CNPY1: variants seen among roughly 807,000 people sequenced by gnomAD.
CNPY1 encodes the protein protein canopy homolog 1.
CNPY1 carries 14 observed loss-of-function variants against 14.4 expected under a neutral mutation model. That is an observed-to-expected ratio of 0.97 (90% CI 0.64 to 1.52). CNPY1 has a LOEUF of 1.52. Among genes scored for constraint, CNPY1 ranks in the 40% most tolerant of loss-of-function variants. The probability of loss-of-function intolerance (pLI) is 0.00; values close to 1 mark genes in which losing one functional copy is unlikely to be tolerated. For missense variants in CNPY1, 129 were observed against 131.5 expected, an observed-to-expected ratio of 0.98 and a Z score of 0.09; for synonymous variants, 43 against 46.5, an observed-to-expected ratio of 0.92 and a Z score of 0.31.
intron 2 of CNPY1, among the ~76,000 whole-genome samples, chr7:155,542,642 G>A (rs1477468): frequency 0.41 from 62,107 of 152,128 alleles, 14,073 homozygotes; most frequent in Middle Eastern, 0.59. Context: ...TGGTGCAGCC[G>A]GACCCCAAGA....
chr7:155,508,236 A>G (rs1328860829), intron 3 of CNPY1, among the ~76,000 whole-genome samples: 1 of 152,270 alleles, frequency 6.6e-6, no homozygotes, highest in Non-Finnish European at 1.5e-5. Flanking sequence ...CTAGCAAGCC[A>G]GAGACTAGCA....
At chr7:155,521,598 C>T (rs1796726379) in intron 2 of CNPY1, among the ~76,000 whole-genome samples, 1 of 152,176 alleles carries the variant, frequency 6.6e-6, no homozygotes. Flanking sequence ...GGGCCGCCGC[C>T]TTGTTTATGT....
At chr7:155,537,420 TTTTC>T (rs1313129508) in intron 2 of CNPY1, among the ~76,000 whole-genome samples, 10 of 149,680 alleles carry the variant, frequency 6.7e-5, no homozygotes, top group Admixed American at 1.3e-4. Context: ...ATTTTTTTTC[TTTTC>T]TTTTTTTTTT....
At chr7:155,543,095 G>A (rs1797106198) in intron 2 of CNPY1, among the ~76,000 whole-genome samples, 1 of 152,122 alleles carries the variant, frequency 6.6e-6, no homozygotes, top group Admixed American at 6.5e-5. Flanking sequence ...TGTGGCATCA[G>A]CACCCTCAGC....
intron 2 of CNPY1, among the ~76,000 whole-genome samples, chr7:155,543,871 A>T (rs2116762211): frequency 6.6e-6 from 1 of 152,340 alleles, no homozygotes; most frequent in South Asian, 2.1e-4. Flanking sequence ...CGACTCTAAG[A>T]TTGCCTTAGG....
chr7:155,521,230 G>T (rs536870533), intron 2 of CNPY1, among the ~76,000 whole-genome samples: 13 of 152,192 alleles, frequency 8.5e-5, no homozygotes, highest in Non-Finnish European at 1.6e-4. Context: ...ATGGGGCTCT[G>T]TGATTGTAGA....
chr7:155,503,240 A>G (rs1796179382), intron 4 of CNPY1, 135 bp from the exon 5 acceptor site: 2 of 750,336 alleles, frequency 2.7e-6, no homozygotes, highest in African/African-American at 3.6e-5. Flanking sequence ...TTTTCCCAAA[A>G]TGTTATTATA....
chr7:155,539,656 C>T (rs1049741634), intron 2 of CNPY1, among the ~76,000 whole-genome samples: 1 of 152,142 alleles, frequency 6.6e-6, no homozygotes, highest in African/African-American at 2.4e-5. Flanking sequence ...CCTGTGAAGG[C>T]TTGCTGAAAT....
chr7:155,534,443 G>A (rs1563096131), intron 2 of CNPY1, among the ~76,000 whole-genome samples: 1 of 152,192 alleles, frequency 6.6e-6, no homozygotes, highest in East Asian at 1.9e-4. Context: ...ACTTGCATGT[G>A]CACACACAGA....
intron 2 of CNPY1, 58 bp from the exon 3 acceptor site, chr7:155,509,155 CT>C (rs1308134549): frequency 1.9e-6 from 2 of 1,033,784 alleles, no homozygotes; most frequent in African/African-American, 3.2e-5. Context: ...CTTCAAAGAC[CT>C]TCCGGCGAGT....
At chr7:155,537,447 G>T (rs1247499425) in intron 2 of CNPY1, among the ~76,000 whole-genome samples, 1 of 149,844 alleles carries the variant, frequency 6.7e-6, no homozygotes, top group East Asian at 1.9e-4. Context: ...TTTTGAGACG[G>T]AGTTTCGCTT....
chr7:155,525,651 T>C (rs1796806214), intron 2 of CNPY1, among the ~76,000 whole-genome samples: 1 of 152,232 alleles, frequency 6.6e-6, no homozygotes, highest in Admixed American at 6.5e-5. Flanking sequence ...CAGGGCTTAG[T>C]GTACTGCAAA....
intron 2 of CNPY1, among the ~76,000 whole-genome samples, chr7:155,517,440 G>A (rs36070563): frequency 0.078 from 11,905 of 152,230 alleles, 531 homozygotes; most frequent in South Asian, 0.18. Context: ...TACAGCTGCA[G>A]CTGTATCCAC....
At chr7:155,540,627 A>G (rs932942065) in intron 2 of CNPY1, among the ~76,000 whole-genome samples, 4 of 152,252 alleles carry the variant, frequency 2.6e-5, no homozygotes, top group African/African-American at 9.6e-5. Context: ...TCTCACACTC[A>G]GCCGAGGCAG....
chr7:155,535,128 A>G (rs1797008423), intron 2 of CNPY1, among the ~76,000 whole-genome samples: 1 of 152,206 alleles, frequency 6.6e-6, no homozygotes, highest in African/African-American at 2.4e-5. Context: ...CAAGTGGCAA[A>G]ACACTCCTGC....
chr7:155,542,564 A>G (rs772536655), intron 2 of CNPY1, among the ~76,000 whole-genome samples: 1 of 152,128 alleles, frequency 6.6e-6, no homozygotes, highest in Non-Finnish European at 1.5e-5. Context: ...CTGAGCCACA[A>G]TGCTGCTAGT....
intron 2 of CNPY1, among the ~76,000 whole-genome samples, chr7:155,515,308 C>G (rs867355417): frequency 7.1e-4 from 67 of 94,964 alleles, no homozygotes; most frequent in African/African-American, 2.2e-3. Context: ...CCCCCCCCCC[C>G]GGCCCCGGCC....
At chr7:155,528,933 C>T (rs1172065389) in intron 2 of CNPY1, among the ~76,000 whole-genome samples, 3 of 152,090 alleles carry the variant, frequency 2.0e-5, no homozygotes, top group East Asian at 1.9e-4. Flanking sequence ...TGGTGGCAGG[C>T]GCCTGTGGTC....
rs545935492 is a variant in CNPY1, at chr7:155,536,429, A to G, written c.99+9402T>C. 1.2e-4 allele frequency among the ~76,000 whole-genome samples: 18 copies of G among 152,228 alleles called. No individual in the cohort carries two copies. In the East Asian group the frequency reaches 3.5e-3, roughly 29 times the overall value. On this transcript the variant is annotated intron_variant, in intron 2 of 4. Transcript: ENST00000636446. This position sits in a 1 kb window ranked among gnomAD's most constrained non-coding sequence, Gnocchi z 4.1. ...GAGGTGCCTTTCTTTGTCCCATGCT[A>G]CCAGGCTTCTCTCCAGTGACCAGTG...
Sources: gnomAD v4.1 joint callset for allele counts (sites outside exome capture counted in the v4.1 genomes callset) on GRCh38, gnomAD v4.1.1 for gene constraint, Gnocchi (gnomAD v3.1) non-coding constraint, MANE v1.5 for transcripts, NCBI Gene and HGNC (gene_info 2026-07-23, HGNC 2026-07-21) for gene names.